The following DLGAP2 variants were observed in gnomAD, a reference collection of about 807,000 sequenced individuals.
The protein encoded by DLGAP2 is disks large-associated protein 2.
DLGAP2 carries 26 observed loss-of-function variants against 100.3 expected under a neutral mutation model. That is an observed-to-expected ratio of 0.26 (90% CI 0.19 to 0.36). DLGAP2 has a LOEUF of 0.36. Ranked by LOEUF, DLGAP2 falls within the 10% of genes least tolerant of loss-of-function variation. DLGAP2 has a pLI of 1.00. For synonymous variants in DLGAP2, 886 were observed against 630.1 expected (o/e 1.41, Z -6.08); for missense variants, 1,858 against 1,453.2 (o/e 1.28, Z -4.53).
At chr8:1,470,133 G>T (rs546877661) in intron 3 of DLGAP2, among the ~76,000 whole-genome samples, 1 of 152,272 alleles carries the variant, frequency 6.6e-6, no homozygotes, top group South Asian at 2.1e-4. Context: ...CCGCACTGCA[G>T]CCTGGGTGAC....
intron 6 of DLGAP2, among the ~76,000 whole-genome samples, chr8:1,599,732 A>T (rs1413851277): frequency 6.6e-6 from 1 of 152,076 alleles, no homozygotes; most frequent in Non-Finnish European, 1.5e-5. Flanking sequence ...CTTGGTAAAT[A>T]TTCCTCCATC....
chr8:955,777 T>G (rs978488258), intron 2 of DLGAP2, among the ~76,000 whole-genome samples: 1 of 152,230 alleles, frequency 6.6e-6, no homozygotes, highest in Non-Finnish European at 1.5e-5. Flanking sequence ...TTGGGAAGAA[T>G]GGACATATTC....
chr8:1,665,405 A>T lies in DLGAP2; in HGVS notation c.1811-2924A>T, dbSNP rs192193729. Among the ~76,000 whole-genome samples the T allele has an allele frequency of 1.6e-4, 25 of 152,312 alleles. No individual in the cohort carries two copies. The East Asian group carries it at 3.7e-3, about 22-fold the overall frequency. ...CCTCCCTGTTGCATTTGCCTGTGAC[A>T]TGTTGTGACATGGTTATGACGCTTG... On this transcript the variant is annotated intron_variant, in intron 8 of 14. Coordinates refer to ENST00000637795, the MANE Select transcript of DLGAP2 (RefSeq NM_001346810.2).
At chr8:1,432,996 G>A (rs903529998) in intron 3 of DLGAP2, among the ~76,000 whole-genome samples, 1 of 152,170 alleles carries the variant, frequency 6.6e-6, no homozygotes, top group Non-Finnish European at 1.5e-5. Flanking sequence ...CAGGCGGCTG[G>A]ACCTCCATGG....
intron 1 of DLGAP2, among the ~76,000 whole-genome samples, chr8:830,049 A>G (rs1174933380): frequency 6.6e-6 from 1 of 152,190 alleles, no homozygotes; most frequent in Non-Finnish European, 1.5e-5. Context: ...AGATGTGGAG[A>G]TTTTTAAAGA....
intron 2 of DLGAP2, among the ~76,000 whole-genome samples, chr8:993,844 G>A (rs1584954919): frequency 7.1e-6 from 1 of 141,492 alleles, no homozygotes; most frequent in East Asian, 2.0e-4. Flanking sequence ...TTCTGTTGAG[G>A]GCCTTTCTAG....
intron 1 of DLGAP2, among the ~76,000 whole-genome samples, chr8:849,797 C>T (rs1797146724): frequency 6.6e-6 from 1 of 152,126 alleles, no homozygotes; most frequent in South Asian, 2.1e-4. Flanking sequence ...AGCTAGGTTG[C>T]CCGGGCACGG....
chr8:1,315,575 G>A (rs35745399), intron 3 of DLGAP2, among the ~76,000 whole-genome samples: 2 of 142,702 alleles, frequency 1.4e-5, no homozygotes, highest in Admixed American at 7.0e-5. Flanking sequence ...GAGCCTGTAC[G>A]AGTGCAGCGT....
rs377455908 is a variant in DLGAP2 at position 980,475 on chromosome 8, T to G, written c.73+72509T>G. Among the ~76,000 whole-genome samples the G allele has an allele frequency of 3.2e-4, 49 of 152,342 alleles. No homozygotes were observed. The South Asian group carries it at 9.3e-3, about 29-fold the overall frequency. The stretch of plus-strand genomic sequence containing the variant: ...AGCCAAGTTTCCATTTCCTGTGTCA[T>G]CCTTGTACCTGAGAGTGCCTTGGAG... On this transcript the variant is annotated intron_variant, in intron 2 of 14. Coordinates refer to ENST00000637795, the MANE Select transcript of DLGAP2 (RefSeq NM_001346810.2).
intron 3 of DLGAP2, among the ~76,000 whole-genome samples, chr8:1,287,131 C>T (rs187852596): frequency 2.2e-5 from 3 of 136,976 alleles, no homozygotes; most frequent in East Asian, 2.2e-4. Context: ...TTCGGTTCAG[C>T]GTGTGTGTGT....
chr8:1,671,440 C>T (rs542269846), intron 10 of DLGAP2, among the ~76,000 whole-genome samples: 3 of 152,198 alleles, frequency 2.0e-5, no homozygotes, highest in East Asian at 1.9e-4. Context: ...AAATGAACAG[C>T]GTCCACGTCA....
intron 2 of DLGAP2, among the ~76,000 whole-genome samples, chr8:1,258,552 T>G (rs1799277349): frequency 1.3e-5 from 2 of 152,274 alleles, no homozygotes; most frequent in Middle Eastern, 6.8e-3. Context: ...TGTATACCTA[T>G]GTAAGCTGCA....
intron 6 of DLGAP2, among the ~76,000 whole-genome samples, chr8:1,589,045 A>T (rs976855066): frequency 6.6e-6 from 1 of 152,234 alleles, no homozygotes; most frequent in African/African-American, 2.4e-5. Flanking sequence ...GTTGACACAC[A>T]CAAACTATCA....
At chr8:802,342 G>C (rs1008968910) in intron 1 of DLGAP2, among the ~76,000 whole-genome samples, 2 of 152,250 alleles carry the variant, frequency 1.3e-5, no homozygotes, top group Non-Finnish European at 2.9e-5. Context: ...CGCTCCTCCT[G>C]GGTCCCCCCA....
chr8:1,296,568 G>T (rs1169884044), intron 3 of DLGAP2, among the ~76,000 whole-genome samples: 6 of 152,198 alleles, frequency 3.9e-5, no homozygotes, highest in Non-Finnish European at 7.4e-5. Context: ...TTCTTTTTGG[G>T]ATTCTATATG....
intron 2 of DLGAP2, among the ~76,000 whole-genome samples, chr8:930,313 C>T (rs7000101): frequency 3.3e-5 from 5 of 152,020 alleles, no homozygotes; most frequent in Non-Finnish European, 7.4e-5. Context: ...CGGCCACCAG[C>T]GTTTAAAGAC....
chr8:1,282,656 T>C (rs1192538412), intron 3 of DLGAP2, among the ~76,000 whole-genome samples: 1 of 124,300 alleles, frequency 8.0e-6, no homozygotes, highest in Non-Finnish European at 1.7e-5. Context: ...GCATGAACCA[T>C]CCAGACGTGG....
At chr8:841,500 C>G (rs536264196) in intron 1 of DLGAP2, among the ~76,000 whole-genome samples, 1 of 152,286 alleles carries the variant, frequency 6.6e-6, no homozygotes, top group South Asian at 2.1e-4. Context: ...GAACACGACC[C>G]GGTTACTAGG....
intron 2 of DLGAP2, among the ~76,000 whole-genome samples, chr8:937,322 G>C (rs1438494535): frequency 6.6e-6 from 1 of 152,126 alleles, no homozygotes; most frequent in Non-Finnish European, 1.5e-5. Context: ...ATCAAAACAA[G>C]AGTGATGTTT....
Sources: allele counts gnomAD v4.1 joint callset (sites outside exome capture counted in the v4.1 genomes callset), GRCh38; gene constraint gnomAD v4.1.1; transcripts MANE v1.5; gene names NCBI Gene and HGNC (gene_info 2026-07-23, HGNC 2026-07-21).